The following IL1R1 variants were observed in gnomAD, a reference collection of about 807,000 sequenced individuals.
IL1R1 encodes interleukin-1 receptor type 1.
IL1R1 carries 22 observed loss-of-function variants against 50.2 expected under a neutral mutation model. The observed-to-expected ratio is 0.44, with a 90% confidence interval of 0.31 to 0.63. The LOEUF is 0.63. Ranked by LOEUF, IL1R1 falls within the 20% of genes least tolerant of loss-of-function variation. IL1R1 has a pLI of 0.07. For missense variants in IL1R1, 509 were observed against 676.2 expected, an observed-to-expected ratio of 0.75 and a Z score of 2.74; for synonymous variants, 251 against 236.7, an observed-to-expected ratio of 1.06 and a Z score of -0.55.
chr2:102,172,924 C>T, intron 9 of IL1R1, 86 bp downstream of exon 9: 1 of 890,406 alleles, frequency 1.1e-6, no homozygotes, highest in Non-Finnish European at 1.8e-6. Context: ...ATTTCCTCTG[C>T]TTAGAACACG....
chr2:102,093,555 C>T lies in IL1R1; in HGVS notation c.-84+23022C>T, dbSNP rs898557849. Reference sequence around the variant, plus strand: ...CATCCTAAGAGGTATATAGTGGTACCGCATTCTGGATTAATTTGCATTTCC... The same window carrying T: ...CATCCTAAGAGGTATATAGTGGTACTGCATTCTGGATTAATTTGCATTTCC... On this transcript the variant is annotated intron_variant, in intron 1 of 11. Transcript: ENST00000409929. Among the ~76,000 whole-genome samples, 30 of 152,210 alleles carry T rather than the reference C, an allele frequency of 2.0e-4. No homozygotes were observed. The South Asian group carries it at 2.7e-3, about 14-fold the overall frequency.
intron 9 of IL1R1, among the ~76,000 whole-genome samples, chr2:102,173,522 ACTT>A (rs1277790986): frequency 1.3e-5 from 2 of 152,240 alleles, no homozygotes; most frequent in African/African-American, 2.4e-5. Flanking sequence ...ATCATCAAAT[ACTT>A]AAGAATAAAT....
intron 1 of IL1R1, among the ~76,000 whole-genome samples, chr2:102,125,800 C>A (rs1400978225): frequency 6.6e-6 from 1 of 152,132 alleles, no homozygotes; most frequent in Admixed American, 6.5e-5. Context: ...ACACAGTTTC[C>A]CAGGGGCCCA....
chr2:102,153,264 C>T (rs1056918754), intron 1 of IL1R1, among the ~76,000 whole-genome samples: 4 of 152,156 alleles, frequency 2.6e-5, no homozygotes, highest in Admixed American at 2.0e-4. Context: ...AGATGATGCA[C>T]TGAGCCATGG....
At chr2:102,137,836 A>G (rs559655315), upstream of IL1R1, among the ~76,000 whole-genome samples, 7 of 152,312 alleles carry the variant, frequency 4.6e-5, no homozygotes, top group East Asian at 1.3e-3. Flanking sequence ...CACCTAGAGA[A>G]AATACATTGA....
intron 1 of IL1R1, among the ~76,000 whole-genome samples, chr2:102,096,154 G>A (rs551513803): frequency 4.4e-4 from 67 of 152,150 alleles, no homozygotes; most frequent in African/African-American, 1.4e-3. Context: ...TGTAATTGAC[G>A]CATTCATTTT....
At chr2:102,126,103 G>A (rs1345973548) in intron 1 of IL1R1, among the ~76,000 whole-genome samples, 2 of 152,134 alleles carry the variant, frequency 1.3e-5, no homozygotes, top group East Asian at 1.9e-4. Flanking sequence ...TATCCCCTAA[G>A]TGAAATTCAT....
intron 1 of IL1R1, among the ~76,000 whole-genome samples, chr2:102,090,006 T>C (rs1244411797): frequency 2.0e-5 from 3 of 151,798 alleles, no homozygotes; most frequent in Non-Finnish European, 4.4e-5. Flanking sequence ...GCTAATTTTT[T>C]TGTATTTTTA....
rs1289873263 is a variant in IL1R1 at position 102,164,993 on chromosome 2, A to C, written c.281A>C (p.Tyr94Ser). Residue 94 changes from tyrosine (Y) to serine (S), a missense_variant, in exon 4 of 12, where the codon TAC becomes TCC. By Grantham distance (144) the Tyr-to-Ser change is moderately radical. Coordinates refer to ENST00000410023, the MANE Select transcript of IL1R1 (RefSeq NM_000877.4). ...VPAKVEDSGH[Y>S]YCVVRNSSYC... ...GCTAAGGTGGAGGATTCAGGACATT[A>C]CTATTGCGTGGTAAGGTAAGAGAGG... 3 of 1,613,214 alleles carry C rather than the reference A, an allele frequency of 1.9e-6. No homozygotes were observed. The highest frequency in any genetic ancestry group is 2.5e-6 in the Non-Finnish European group (3 of 1,179,536).
At chr2:102,167,660 G>A (rs2104590709) in intron 6 of IL1R1, among the ~76,000 whole-genome samples, 1 of 152,040 alleles carries the variant, frequency 6.6e-6, no homozygotes, top group East Asian at 1.9e-4. Context: ...GTGTTAGCCA[G>A]GATGGTCTCG....
chr2:102,171,305 C>G (rs1685653726), intron 7 of IL1R1, among the ~76,000 whole-genome samples: 2 of 152,130 alleles, frequency 1.3e-5, no homozygotes. Context: ...CTGACACAGC[C>G]TCACTAAAGA....
chr2:102,169,845 A>T (rs1030188648), intron 7 of IL1R1, among the ~76,000 whole-genome samples: 2 of 152,238 alleles, frequency 1.3e-5, no homozygotes, highest in Non-Finnish European at 2.9e-5. Flanking sequence ...GAGTCTAAAA[A>T]GTCTTCTTCC....
intron 1 of IL1R1, among the ~76,000 whole-genome samples, chr2:102,135,433 TAAA>T (rs1449609933): frequency 6.6e-6 from 1 of 152,184 alleles, no homozygotes; most frequent in East Asian, 1.9e-4. Context: ...TTATTTTTAC[TAAA>T]AAATTAGAAT....
chr2:102,125,817 A>T (rs148557385), intron 1 of IL1R1, among the ~76,000 whole-genome samples: 3 of 152,368 alleles, frequency 2.0e-5, no homozygotes, highest in African/African-American at 7.2e-5. Flanking sequence ...CCCATCCATG[A>T]ACAAAACTCT....
intron 1 of IL1R1, among the ~76,000 whole-genome samples, chr2:102,128,381 T>C (rs900268588): frequency 6.6e-6 from 1 of 152,238 alleles, no homozygotes; most frequent in African/African-American, 2.4e-5. Context: ...AGGTATATCA[T>C]GCTCATTTTA....
At chr2:102,097,445 A>C (rs915620902) in intron 1 of IL1R1, among the ~76,000 whole-genome samples, 3 of 152,136 alleles carry the variant, frequency 2.0e-5, no homozygotes, top group African/African-American at 7.2e-5. Context: ...CCTTGCAATA[A>C]TCTCTTAATT....
At chr2:102,130,748 A>G (rs919107257) in intron 1 of IL1R1, among the ~76,000 whole-genome samples, 6 of 152,206 alleles carry the variant, frequency 3.9e-5, no homozygotes, top group African/African-American at 1.4e-4. Flanking sequence ...AAAGAATCTC[A>G]GGCATCTTCA....
At chr2:102,152,799 AAC>A (rs1683810637) in intron 1 of IL1R1, among the ~76,000 whole-genome samples, 1 of 152,156 alleles carries the variant, frequency 6.6e-6, no homozygotes, top group Non-Finnish European at 1.5e-5. Flanking sequence ...TTGATGGGCC[AAC>A]ACACCTCTGA....
intron 1 of IL1R1, among the ~76,000 whole-genome samples, chr2:102,078,981 A>G (rs1052959890): frequency 2.0e-5 from 3 of 152,152 alleles, no homozygotes; most frequent in Non-Finnish European, 4.4e-5. Flanking sequence ...AGAATAAAGG[A>G]TGGAATTGCA....
Sources: allele counts gnomAD v4.1 joint callset (sites outside exome capture counted in the v4.1 genomes callset), GRCh38; gene constraint gnomAD v4.1.1; transcripts MANE v1.5; gene names NCBI Gene and HGNC (gene_info 2026-07-23, HGNC 2026-07-21).